The following PXYLP1 variants were observed in gnomAD, a reference collection of about 807,000 sequenced individuals.
PXYLP1 encodes acid phosphatase-like 2.
In PXYLP1, 17 loss-of-function variants were observed where a neutral mutation model predicts 37.9. The observed-to-expected ratio is 0.45, with a 90% CI of 0.31 to 0.67. The LOEUF (loss-of-function observed/expected upper bound fraction) is 0.67, where lower values mean the gene tolerates loss of function less well. Among genes scored for constraint, PXYLP1 ranks in the 30% least tolerant of loss-of-function variants. The pLI is 0.07. For missense variants in PXYLP1, 511 were observed against 612.0 expected (o/e 0.84, Z 1.74); for synonymous variants, 221 against 232.2 (o/e 0.95, Z 0.44).
chr3:141,273,740 C>T, intron 2 of PXYLP1: 1 of 985,358 alleles, frequency 1.0e-6, no homozygotes, highest in Non-Finnish European at 1.2e-6. Context: ...GCAGAGAACA[C>T]CGCCATAAAA....
chr3:141,232,910 T>C (rs536451212), intron 1 of PXYLP1, among the ~76,000 whole-genome samples: 63 of 152,130 alleles, frequency 4.1e-4, no homozygotes, highest in Admixed American at 1.2e-3. Flanking sequence ...TTTGTAAGCA[T>C]TCAACAAGTA....
chr3:141,268,107 T>C (rs1412661151), intron 2 of PXYLP1, among the ~76,000 whole-genome samples: 1 of 151,920 alleles, frequency 6.6e-6, no homozygotes, highest in Non-Finnish European at 1.5e-5. Flanking sequence ...TCTATTGACT[T>C]GGAAGGTTGT....
intron 5 of PXYLP1, among the ~76,000 whole-genome samples, chr3:141,288,625 G>A (rs1429249600): frequency 5.9e-5 from 9 of 152,226 alleles, no homozygotes; most frequent in Admixed American, 5.9e-4. Context: ...CAGGCATGGT[G>A]CCTCATGCCT....
At chr3:141,256,198 A>G (rs886860729) in intron 1 of PXYLP1, among the ~76,000 whole-genome samples, 4 of 152,160 alleles carry the variant, frequency 2.6e-5, no homozygotes, top group Non-Finnish European at 4.4e-5. Context: ...GACATAGTAC[A>G]TATCTGCTCG....
chr3:141,264,957 AT>A (rs1356960529), intron 2 of PXYLP1, among the ~76,000 whole-genome samples: 1 of 152,258 alleles, frequency 6.6e-6, no homozygotes, highest in African/African-American at 2.4e-5. Context: ...GAAGAGTAGT[AT>A]GAGAGACTAG....
chr3:141,273,038 C>G (rs1941706468), intron 2 of PXYLP1: 1 of 985,362 alleles, frequency 1.0e-6, no homozygotes, highest in South Asian at 4.7e-5. Flanking sequence ...GTTTCCATAC[C>G]TGCACCCCCC....
chr3:141,293,196 A>G lies in PXYLP1; in HGVS notation c.1434A>G (p.Glu478=), dbSNP rs373057932. Reference sequence around the variant, plus strand: ...ATTATTATGATGCATGTCACAGGGAAGGATTCTAAAAGGTATGCAGTACAG... The same window carrying G: ...ATTATTATGATGCATGTCACAGGGAGGGATTCTAAAAGGTATGCAGTACAG... The part of the protein sequence containing the change: ...GTNYYDACHR[E]GF The change falls in exon 6 of 6, where the codon GAA becomes GAG. Residue 478 remains glutamate, a synonymous_variant. Coordinates refer to ENST00000286353, the MANE Select transcript of PXYLP1 (RefSeq NM_001037172.3). 9.9e-6 allele frequency: 16 copies of G among 1,612,856 alleles called. No homozygotes were observed. In the African/African-American group the frequency reaches 1.1e-4, roughly 11 times the overall value.
At chr3:141,239,989 T>C (rs1325550119) in intron 1 of PXYLP1, among the ~76,000 whole-genome samples, 1 of 152,244 alleles carries the variant, frequency 6.6e-6, no homozygotes, top group Non-Finnish European at 1.5e-5. Flanking sequence ...CAGTTATGAA[T>C]GTGTCTGGCT....
intron 1 of PXYLP1, among the ~76,000 whole-genome samples, chr3:141,249,826 A>G (rs900296437): frequency 6.6e-6 from 1 of 152,190 alleles, no homozygotes; most frequent in African/African-American, 2.4e-5. Context: ...AGACTTGTCT[A>G]TGTCAAAAAA....
At chr3:141,285,524 CA>C (rs371946030) in intron 4 of PXYLP1, among the ~76,000 whole-genome samples, 3 of 149,868 alleles carry the variant, frequency 2.0e-5, no homozygotes, top group African/African-American at 7.3e-5. Context: ...ACAACAACAA[CA>C]AAAAAAAACA....
intron 2 of PXYLP1, among the ~76,000 whole-genome samples, chr3:141,266,646 A>G (rs560119538): frequency 0.057 from 7,536 of 132,560 alleles, 309 homozygotes; most frequent in East Asian, 0.17. Flanking sequence ...GGAGAGACAG[A>G]GGGAGAGAGG....
intron 3 of PXYLP1, 95 bp downstream of exon 3, chr3:141,278,595 C>G: frequency 6.7e-7 from 1 of 1,486,300 alleles, no homozygotes; most frequent in Admixed American, 1.9e-5. Context: ...GGCCAGGACC[C>G]AAGTCCTGCA....
chr3:141,280,869 A>C (rs1224650323), intron 4 of PXYLP1, among the ~76,000 whole-genome samples: 1 of 152,212 alleles, frequency 6.6e-6, no homozygotes, highest in Non-Finnish European at 1.5e-5. Flanking sequence ...CAGTGAGCTG[A>C]ACCAAGCACT....
At position 141,260,236 on chromosome 3, in the gene PXYLP1, A is replaced by T. The variant is rs1391525730; in HGVS notation, c.61A>T (p.Ser21Cys). The T allele has an allele frequency of 6.2e-7, 1 of 1,613,134 alleles. No individual in the cohort carries two copies. The highest frequency in any genetic ancestry group is 8.5e-7 in the Non-Finnish European group (1 of 1,180,038). ...LALAALLAFVSLSLQFFHLIP... is the reference protein window; with the variant it reads ...LALAALLAFVCLSLQFFHLIP... ...CCTGGCTGCGCTGCTGGCCTTTGTGAGCCTCAGCCTGCAGTTCTGTGAGTA... is the reference window on the plus strand; with the variant it reads ...CCTGGCTGCGCTGCTGGCCTTTGTGTGCCTCAGCCTGCAGTTCTGTGAGTA... Residue 21 changes from serine to cysteine, a missense_variant, in exon 2 of 6, where the codon AGC (serine) becomes TGC (cysteine). By Grantham distance (112) the Ser-to-Cys change is moderately radical. Coordinates refer to ENST00000286353, the MANE Select transcript of PXYLP1 (RefSeq NM_001037172.3).
chr3:141,288,957 C>G (rs2148840492), intron 5 of PXYLP1, among the ~76,000 whole-genome samples: 1 of 152,256 alleles, frequency 6.6e-6, no homozygotes, highest in South Asian at 2.1e-4. Flanking sequence ...AAAGTTATAC[C>G]AGGGTCCCCA....
intron 1 of PXYLP1, among the ~76,000 whole-genome samples, chr3:141,239,045 T>C (rs1312261278): frequency 3.0e-5 from 4 of 132,358 alleles, no homozygotes; most frequent in African/African-American, 1.2e-4. Context: ...GTCCTGGAAA[T>C]TTTAAATGAA....
At position 141,239,154 on chromosome 3, in the gene PXYLP1, A is replaced by G. The variant is rs371672837; in HGVS notation, c.-54+7243A>G. Reference sequence around the variant, plus strand: ...TTTTGTATGTAGGGAGAATTAAGGTAAAAGGGGGAAAACCCTTTCTCTGTT... The same window carrying G: ...TTTTGTATGTAGGGAGAATTAAGGTGAAAGGGGGAAAACCCTTTCTCTGTT... On this transcript the variant is annotated intron_variant, in intron 1 of 5. Coordinates refer to ENST00000286353, the MANE Select transcript of PXYLP1 (RefSeq NM_001037172.3). Among the ~76,000 whole-genome samples the G allele has an allele frequency of 5.3e-4, 81 of 152,260 alleles. 1 individual carries two copies. In the South Asian group the frequency reaches 0.016, roughly 30 times the overall value.
Position 141,292,726 on chromosome 3 carries a change from A to G in PXYLP1, c.964A>G (p.Lys322Glu). Residue 322 changes from lysine (K) to glutamate (E), a missense_variant, in exon 6 of 6, where the codon AAG (lysine) becomes GAG (glutamate). By Grantham distance (56) the Lys-to-Glu change is moderately conservative. Transcript: ENST00000286353. The surrounding 1 kb of genome is among the most constrained non-coding windows in gnomAD (Gnocchi z 4.3). ...TGGCTGTGTTGACATGGAGCACTTC[A>G]AGGTAATTAAGACCCATCAGATCGA... ...RNGCVDMEHF[K>E]VIKTHQIEDE... 6.2e-7 allele frequency: 1 copy of G among 1,614,028 alleles called. No homozygotes were observed. The highest frequency in any genetic ancestry group is 8.5e-7 in the Non-Finnish European group (1 of 1,180,000).
At chr3:141,237,584 A>G (rs138425529) in intron 1 of PXYLP1, among the ~76,000 whole-genome samples, 309 of 152,346 alleles carry the variant, frequency 2.0e-3, no homozygotes, top group Non-Finnish European at 3.8e-3. Flanking sequence ...ATAATACATG[A>G]TGAGGGCTTA....
Sources: gnomAD v4.1 joint callset for allele counts (sites outside exome capture counted in the v4.1 genomes callset) on GRCh38, gnomAD v4.1.1 for gene constraint, Gnocchi (gnomAD v3.1) non-coding constraint, MANE v1.5 for transcripts, NCBI Gene and HGNC (gene_info 2026-07-23, HGNC 2026-07-21) for gene names.